The following ATP7A variants were observed in gnomAD, a reference collection of about 807,000 sequenced individuals.
ATP7A encodes the protein ATPase copper transporting alpha.
ATP7A carries 7 observed loss-of-function variants against 83.5 expected under a neutral mutation model. The ratio of observed to expected loss-of-function variants is 0.08; its 90% confidence interval spans 0.05 to 0.16. The LOEUF is 0.16. Ranked by LOEUF, ATP7A falls within the 10% of genes least tolerant of loss-of-function variation. The pLI, the probability that ATP7A is intolerant of heterozygous loss-of-function variation, is 1.00. For synonymous variants in ATP7A, 354 were observed against 395.2 expected, an observed-to-expected ratio of 0.90 and a Z score of 1.24; for missense variants, 940 against 1,120.8, an observed-to-expected ratio of 0.84 and a Z score of 2.30.
intron 1 of ATP7A, chrX:77,966,845 A>G (rs1276413981): frequency 3.0e-6 from 1 of 329,544 alleles, no homozygotes; most frequent in Non-Finnish European, 5.9e-6. Flanking sequence ...ACGTAGGTAC[A>G]TGTGTGCTAT....
intron 1 of ATP7A, chrX:77,969,178 T>C: frequency 8.3e-7 from 1 of 1,211,661 alleles, no homozygotes; most frequent in Non-Finnish European, 1.1e-6. Context: ...CTTCGGACTC[T>C]CATAGGAGGG....
At chrX:77,964,334 A>T (rs2077491629) in intron 1 of ATP7A, 1 of 112,130 alleles carries the variant, frequency 8.9e-6, no homozygotes, top group South Asian at 3.7e-4. Context: ...GTACAGAATG[A>T]TATTCTGAAG....
chrX:78,013,199 C>T, intron 10 of ATP7A, 87 bp downstream of exon 10: 2 of 830,487 alleles, frequency 2.4e-6, no homozygotes, highest in Non-Finnish European at 3.6e-6. Context: ...GAAATACATG[C>T]TTTTATGTAG....
intron 14 of ATP7A, among the ~76,000 whole-genome samples, chrX:78,022,220 G>A (rs1557235868): frequency 1.8e-5 from 2 of 111,566 alleles, no homozygotes; most frequent in African/African-American, 3.3e-5. Flanking sequence ...ATACATATGT[G>A]AAGTTTATGG....
At chrX:77,938,857 C>CA (rs1343855217) in intron 1 of ATP7A, among the ~76,000 whole-genome samples, 80 of 111,668 alleles carry the variant, frequency 7.2e-4, no homozygotes, top group South Asian at 1.5e-3. Flanking sequence ...TTAAAAACAA[C>CA]AAAAAAACCT....
intron 1 of ATP7A, among the ~76,000 whole-genome samples, chrX:77,946,340 A>T (rs1291805943): frequency 9.2e-6 from 1 of 109,075 alleles, no homozygotes; most frequent in Non-Finnish European, 1.9e-5. Context: ...TTTTATATCC[A>T]TTCTAAAAAT....
chrX:77,935,311 T>C (rs781811562), intron 1 of ATP7A, among the ~76,000 whole-genome samples: 22 of 112,208 alleles, frequency 2.0e-4, no homozygotes, highest in African/African-American at 6.8e-4. Flanking sequence ...CATTTTATGC[T>C]CATAGCAATG....
chrX:78,007,276 T>C (rs2077782171), intron 6 of ATP7A, among the ~76,000 whole-genome samples: 1 of 112,657 alleles, frequency 8.9e-6, no homozygotes, highest in Non-Finnish European at 1.9e-5. Flanking sequence ...GTATCTTTTC[T>C]TGTGCTTATT....
intron 18 of ATP7A, among the ~76,000 whole-genome samples, chrX:78,040,171 C>G (rs1243091826): frequency 9.8e-6 from 1 of 102,172 alleles, no homozygotes; most frequent in African/African-American, 3.7e-5. Context: ...ATTTTTCCCA[C>G]TATAAAGTGC....
chrX:78,011,775 G>C (rs782526315), intron 9 of ATP7A, 101 bp downstream of exon 9: 1 of 805,288 alleles, frequency 1.2e-6, no homozygotes, highest in African/African-American at 2.0e-5. Flanking sequence ...TTAGCTAGAA[G>C]TCTGATCATT....
intron 6 of ATP7A, among the ~76,000 whole-genome samples, chrX:78,004,541 G>A (rs2077760705): frequency 9.1e-6 from 1 of 110,325 alleles, no homozygotes; most frequent in Non-Finnish European, 1.9e-5. Context: ...TTGAGCCCAG[G>A]AGTTCACGAC....
intron 14 of ATP7A, among the ~76,000 whole-genome samples, chrX:78,025,885 A>T (rs2149102912): frequency 9.0e-6 from 1 of 111,506 alleles, no homozygotes; most frequent in Non-Finnish European, 1.9e-5. Flanking sequence ...AGACAAGCAA[A>T]CAGTAAGGAA....
At position 77,930,985 on chromosome X, in the gene ATP7A, CTTTTTTT is replaced by C. The variant is rs1180844779; in HGVS notation, c.-22+20165_-22+20171del. 1.4e-4 allele frequency among the ~76,000 whole-genome samples: 5 copies of C among 34,948 alleles called. No individual in the cohort carries two copies. In the East Asian group the frequency reaches 3.5e-3, roughly 25 times the overall value. 30.3% of individuals were successfully genotyped at this position (34,948 alleles called of 115,157 possible). A position where few individuals can be genotyped will look rare whatever the true frequency, so the allele number is the denominator to read the frequency against. On this transcript the variant is annotated intron_variant, in intron 1 of 22. Coordinates refer to ENST00000341514, the MANE Select transcript of ATP7A (RefSeq NM_000052.7). The stretch of plus-strand genomic sequence containing the variant: ...CTTAACTCTGTCTTTTAGGAACATT[CTTTTTTT>C]TTTTTTTTTTTTTTACCTTTTTTTT...
intron 12 of ATP7A, among the ~76,000 whole-genome samples, chrX:78,017,765 CTTTTTTTTT>C (rs1176316040): frequency 1.1e-4 from 5 of 45,842 alleles, no homozygotes; most frequent in Admixed American, 2.9e-4. Context: ...TTTCTTGTTT[CTTTTTTTTT>C]TTTTTTTTTT....
chrX:77,961,999 A>G (rs1486769862), intron 1 of ATP7A, among the ~76,000 whole-genome samples: 1 of 112,367 alleles, frequency 8.9e-6, no homozygotes, highest in Non-Finnish European at 1.9e-5. Flanking sequence ...ATATGGAAGG[A>G]GCTATTCTAG....
intron 14 of ATP7A, among the ~76,000 whole-genome samples, chrX:78,026,786 C>T (rs1404974908): frequency 8.9e-6 from 1 of 111,812 alleles, no homozygotes; most frequent in Non-Finnish European, 1.9e-5. Flanking sequence ...AAGAGGAACT[C>T]TAAAAGCCAC....
At chrX:77,990,322 T>G (rs782803568) in intron 4 of ATP7A, among the ~76,000 whole-genome samples, 11 of 112,320 alleles carry the variant, frequency 9.8e-5, no homozygotes, top group Non-Finnish European at 1.3e-4. Context: ...CAAAATTTTA[T>G]AAAGAAATGT....
chrX:77,969,731 C>G, intron 1 of ATP7A: 1 of 1,035,976 alleles, frequency 9.7e-7, no homozygotes, highest in African/African-American at 1.8e-5. Context: ...TATTCCCTAA[C>G]CACTCATTTC....
chrX:77,987,444 TTGTGTGTGTGTGTGTGTG>T (rs3986431), intron 2 of ATP7A, among the ~76,000 whole-genome samples: 76 of 85,864 alleles, frequency 8.9e-4, no homozygotes, highest in African/African-American at 1.8e-3. Flanking sequence ...AACCCAGTAT[TTGTGTGTGTGTGTGTGTG>T]TGTGTGTGTG....
Sources: allele counts gnomAD v4.1 joint callset (sites outside exome capture counted in the v4.1 genomes callset), GRCh38; gene constraint gnomAD v4.1.1; transcripts MANE v1.5; gene names NCBI Gene and HGNC (gene_info 2026-07-23, HGNC 2026-07-21).